ERC1: variants seen among roughly 807,000 people sequenced by gnomAD.
The protein encoded by ERC1 is ELKS/RAB6-interacting/CAST family member 1, also known as RAB6 interacting protein 2.
Under a neutral mutation model 132.0 loss-of-function variants are expected in ERC1, and 56 were observed. The observed-to-expected ratio is 0.42, with a 90% CI of 0.34 to 0.53. The LOEUF (loss-of-function observed/expected upper bound fraction) is 0.53, where lower values mean the gene tolerates loss of function less well. ERC1 is among the 20% of genes least tolerant of loss of function. The pLI is 0.03. For missense variants in ERC1, 1,202 were observed against 1,349.9 expected (o/e 0.89, Z 1.72); for synonymous variants, 478 against 476.1 (o/e 1.00, Z -0.05).
chr12:1,103,359 G>C (rs971303445), intron 3 of ERC1, among the ~76,000 whole-genome samples: 1 of 152,190 alleles, frequency 6.6e-6, no homozygotes, highest in Non-Finnish European at 1.5e-5. Flanking sequence ...TTGGGCTCTA[G>C]TTGGAGTCGA....
intron 8 of ERC1, among the ~76,000 whole-genome samples, chr12:1,146,564 G>A (rs61914293): frequency 0.24 from 35,459 of 149,898 alleles, 4,445 homozygotes; most frequent in Non-Finnish European, 0.28. Context: ...TTGGATGTCC[G>A]TGATTTCTTT....
chr12:1,156,437 C>G (rs1005475661), intron 8 of ERC1, among the ~76,000 whole-genome samples: 4 of 151,960 alleles, frequency 2.6e-5, no homozygotes, highest in Non-Finnish European at 1.5e-5. Flanking sequence ...GAGGATTTTA[C>G]CATGTTGGCC....
chr12:1,042,103 T>A (rs1444939679), intron 2 of ERC1, among the ~76,000 whole-genome samples: 1 of 152,022 alleles, frequency 6.6e-6, no homozygotes. Flanking sequence ...AGTGGTGTGA[T>A]CTCCGCTCAT....
At chr12:1,240,441 T>C (rs1009811975) in intron 13 of ERC1, among the ~76,000 whole-genome samples, 11 of 152,160 alleles carry the variant, frequency 7.2e-5, no homozygotes, top group South Asian at 6.2e-4. Context: ...GTAAAATGAG[T>C]CTTAAGACAG....
In ERC1 at chr12:1,145,786, A is replaced by G. The variant is rs147054293; in HGVS notation, c.1737+3999A>G. ...ATGAAGATCCGGTTTCATTTTTCAC[A>G]TGTGGCTTGCCAGTTATCCCAGCAC... On this transcript the variant is annotated intron_variant, in intron 8 of 18. Coordinates refer to ENST00000360905, the MANE Select transcript of ERC1 (RefSeq NM_178040.4). Among the ~76,000 whole-genome samples the G allele has an allele frequency of 2.5e-3, 381 of 152,280 alleles. 2 individuals are homozygous for G. Among genetic ancestry groups the G allele is most frequent in the African/African-American group, 8.4e-3 (348 of 41,568 alleles).
intron 15 of ERC1, among the ~76,000 whole-genome samples, chr12:1,353,417 G>T (rs529293781): frequency 7.9e-5 from 12 of 152,160 alleles, no homozygotes; most frequent in Non-Finnish European, 1.6e-4. Context: ...TTTCTTTTAT[G>T]GAGCTTAAAG....
At chr12:1,061,365 G>T (rs1215507157) in intron 2 of ERC1, among the ~76,000 whole-genome samples, 1 of 151,684 alleles carries the variant, frequency 6.6e-6, no homozygotes, top group Non-Finnish European at 1.5e-5. Flanking sequence ...GGTAGGCTGA[G>T]TCCGCAGATC....
intron 16 of ERC1, among the ~76,000 whole-genome samples, chr12:1,385,516 C>G (rs921947881): frequency 6.6e-6 from 1 of 152,158 alleles, no homozygotes; most frequent in African/African-American, 2.4e-5. Context: ...GATCTCCTGA[C>G]CTCGTGATAA....
At chr12:1,222,371 A>G (rs1377765357) in intron 12 of ERC1, among the ~76,000 whole-genome samples, 3 of 152,050 alleles carry the variant, frequency 2.0e-5, no homozygotes, top group African/African-American at 7.2e-5. Flanking sequence ...CTGGGATTAC[A>G]GGTGCCACCA....
At chr12:1,420,175 T>G (rs12303144) in intron 17 of ERC1, among the ~76,000 whole-genome samples, 1,900 of 152,068 alleles carry the variant, frequency 0.012, 46 homozygotes, top group African/African-American at 0.044. Context: ...GTGTTCACAT[T>G]CAGCATTTCC....
At chr12:1,401,587 T>C (rs1283843191) in intron 16 of ERC1, among the ~76,000 whole-genome samples, 5 of 152,148 alleles carry the variant, frequency 3.3e-5, no homozygotes, top group Non-Finnish European at 7.4e-5. Context: ...CGCTAAGTTA[T>C]TTAGGCTCTC....
chr12:1,309,922 ATTTGTTTTCTTTTGT>A (rs1566552946), intron 15 of ERC1, among the ~76,000 whole-genome samples: 2 of 149,536 alleles, frequency 1.3e-5, no homozygotes, highest in African/African-American at 4.9e-5. Context: ...TGCTGAGGGG[ATTTGTTTTCTTTTGT>A]TTTGTTTTGT....
intron 12 of ERC1, among the ~76,000 whole-genome samples, chr12:1,195,923 T>C (rs2154279949): frequency 7.7e-6 from 1 of 129,794 alleles, no homozygotes; most frequent in East Asian, 2.7e-4. Context: ...TTGAAAAGAG[T>C]TAAAGTTTTT....
chr12:1,112,395 A>G (rs932195487), intron 6 of ERC1, 97 bp downstream of exon 6: 7 of 824,558 alleles, frequency 8.5e-6, no homozygotes, highest in Admixed American at 2.1e-5. Flanking sequence ...TTCATTCTCT[A>G]TGGTTGGCAG....
rs1396025716 is a variant in ERC1 at position 1,115,774 on chromosome 12, T to C, written c.1402-92T>C. The stretch of plus-strand genomic sequence containing the variant: ...TCACACAGTTCGTGCTGCATTTAGT[T>C]TCATATTTTGTGACTCAGATCTGTG... On this transcript the variant is annotated intron_variant, in intron 6 of 18. Transcript: ENST00000360905. 1.9e-5 allele frequency: 21 copies of C among 1,113,904 alleles called. No homozygotes were observed. The East Asian group carries it at 4.7e-4, about 25-fold the overall frequency. The allele number at this position is 1,113,904 out of a possible 1,614,324, so 69.0% of individuals were successfully genotyped here.
At chr12:1,204,294 G>A (rs1594201547) in intron 12 of ERC1, among the ~76,000 whole-genome samples, 1 of 151,016 alleles carries the variant, frequency 6.6e-6, no homozygotes, top group African/African-American at 2.4e-5. Flanking sequence ...AAAATACAAT[G>A]GTGTAATCTA....
Position 1,308,486 on chromosome 12 carries a change from G to T in ERC1, c.2780+18474G>T, listed in dbSNP as rs2081050262. 2.0e-5 allele frequency among the ~76,000 whole-genome samples: 3 copies of T among 152,126 alleles called. No individual in the cohort carries two copies. The South Asian group carries it at 6.2e-4, about 32-fold the overall frequency. On this transcript the variant is annotated intron_variant, in intron 15 of 18. Transcript: ENST00000360905. ...CTTACAGCTTTCTTAAAGGAAGTCAGTTTCTTGGCAGTAGGACAGAGGTTC... is the reference window on the plus strand; with the variant it reads ...CTTACAGCTTTCTTAAAGGAAGTCATTTTCTTGGCAGTAGGACAGAGGTTC...
Position 1,138,094 on chromosome 12 carries a change from T to TA in ERC1, c.1570-3526_1570-3525insA, listed in dbSNP as rs1258871777. Among the ~76,000 whole-genome samples the TA allele has an allele frequency of 4.7e-3, 545 of 116,496 alleles. 6 individuals carry two copies. The highest frequency in any genetic ancestry group is 7.2e-3 in the South Asian group (29 of 4,030). 76.4% of individuals were successfully genotyped at this position (116,496 alleles called of 152,430 possible). A position where few individuals can be genotyped will look rare whatever the true frequency, so the allele number is the denominator to read the frequency against. On this transcript the variant is annotated intron_variant, in intron 7 of 18. Coordinates refer to ENST00000360905, the MANE Select transcript of ERC1 (RefSeq NM_178040.4). ...GTTTTATATTATATATAATATATAATCCATATTATAATATAATTATATTTA... is the reference window on the plus strand; with the variant it reads ...GTTTTATATTATATATAATATATAATACCATATTATAATATAATTATATTTA...
At chr12:1,413,609 A>T (rs1252893629) in intron 17 of ERC1, among the ~76,000 whole-genome samples, 1 of 141,822 alleles carries the variant, frequency 7.1e-6, no homozygotes, top group Non-Finnish European at 1.5e-5. Flanking sequence ...AAGAAAAGGT[A>T]AAAAAAAAGA....
Sources: allele counts gnomAD v4.1 joint callset (sites outside exome capture counted in the v4.1 genomes callset), GRCh38; gene constraint gnomAD v4.1.1; transcripts MANE v1.5; gene names NCBI Gene and HGNC (gene_info 2026-07-23, HGNC 2026-07-21).